Variants in CNTN4 observed in about 807,000 individuals in gnomAD.
CNTN4 encodes contactin-4.
A neutral mutation model predicts 122.5 loss-of-function variants in CNTN4; 77 were observed. The ratio of observed to expected loss-of-function variants is 0.63; its 90% CI spans 0.52 to 0.76. The LOEUF (loss-of-function observed/expected upper bound fraction) is 0.76, where lower values mean the gene tolerates loss of function less well. CNTN4 is among the 30% of genes least tolerant of loss of function. The pLI, the probability that CNTN4 is intolerant of heterozygous loss-of-function variation, is 0.00. For synonymous variants in CNTN4, 512 were observed against 447.0 expected, an observed-to-expected ratio of 1.15 and a Z score of -1.83; for missense variants, 1,256 against 1,259.1, an observed-to-expected ratio of 1.00 and a Z score of 0.04.
intron 2 of CNTN4, among the ~76,000 whole-genome samples, chr3:2,242,553 A>T (rs916233908): frequency 1.2e-4 from 19 of 152,146 alleles, no homozygotes; most frequent in Non-Finnish European, 2.8e-4. Flanking sequence ...AGTTCATAGC[A>T]GATTACAGGG....
rs562831555 is a variant in CNTN4 at position 2,321,481 on chromosome 3, T to G, written c.-144-17697T>G. 2.0e-5 allele frequency among the ~76,000 whole-genome samples: 3 copies of G among 152,282 alleles called. No homozygotes were observed. In the South Asian group the frequency reaches 6.2e-4, roughly 32 times the overall value. On this transcript the variant is annotated intron_variant, in intron 2 of 24. Coordinates refer to ENST00000418658, the MANE Select transcript of CNTN4 (RefSeq NM_175607.3). ...AAAATTGTGGAATTCTGTAGCTGTT[T>G]AAATGAGAAGAGATTTTTATTAAGA...
At chr3:2,312,947 G>A (rs924753933) in intron 2 of CNTN4, among the ~76,000 whole-genome samples, 14 of 151,980 alleles carry the variant, frequency 9.2e-5, no homozygotes, top group African/African-American at 3.4e-4. Context: ...AAAACACTGT[G>A]TGAAAATCTG....
chr3:2,214,323 C>T lies in CNTN4; in HGVS notation c.-145+113684C>T, dbSNP rs529699438. ...TCGGAGCAGTGGGGGGTTTGTCTCTCAATTTAGACACCTGATGAGTAGATT... is the reference window on the plus strand; with the variant it reads ...TCGGAGCAGTGGGGGGTTTGTCTCTTAATTTAGACACCTGATGAGTAGATT... On this transcript the variant is annotated intron_variant, in intron 2 of 24. Coordinates refer to ENST00000418658, the MANE Select transcript of CNTN4 (RefSeq NM_175607.3). 7.9e-5 allele frequency among the ~76,000 whole-genome samples: 12 copies of T among 152,216 alleles called. No homozygotes were observed. In the South Asian group the frequency reaches 8.3e-4, roughly 11 times the overall value.
At chr3:2,364,733 T>G (rs4082669) in intron 3 of CNTN4, among the ~76,000 whole-genome samples, 33,674 of 152,094 alleles carry the variant, frequency 0.22, 4,402 homozygotes, top group South Asian at 0.32. Flanking sequence ...TGAATCTAGT[T>G]TCCTGGTAAT....
chr3:2,967,862 T>A (rs1692488757), intron 13 of CNTN4, among the ~76,000 whole-genome samples: 1 of 151,912 alleles, frequency 6.6e-6, no homozygotes, highest in African/African-American at 2.4e-5. Context: ...TTTTTTTTTT[T>A]TTTAATGACA....
chr3:3,021,192 A>G (rs923021742), intron 14 of CNTN4, among the ~76,000 whole-genome samples: 4 of 152,204 alleles, frequency 2.6e-5, no homozygotes, highest in African/African-American at 7.2e-5. Context: ...TGAAATCACT[A>G]TGAATTTTGA....
At chr3:2,484,714 T>C (rs2076095926) in intron 3 of CNTN4, among the ~76,000 whole-genome samples, 1 of 152,226 alleles carries the variant, frequency 6.6e-6, no homozygotes, top group Non-Finnish European at 1.5e-5. Context: ...TGTATTTTTC[T>C]GTGTATCCTG....
intron 10 of CNTN4, among the ~76,000 whole-genome samples, chr3:2,898,343 G>A (rs1227466101): frequency 1.3e-5 from 2 of 152,108 alleles, no homozygotes; most frequent in Non-Finnish European, 2.9e-5. Context: ...AAAGTGCCAG[G>A]TGATCTCCCA....
At chr3:2,219,125 G>T (rs1432222214) in intron 2 of CNTN4, among the ~76,000 whole-genome samples, 2 of 152,190 alleles carry the variant, frequency 1.3e-5, no homozygotes, top group African/African-American at 4.8e-5. Flanking sequence ...CATAGAAATG[G>T]TGAGTTGGCT....
chr3:2,567,049 C>G (rs570126691), intron 3 of CNTN4, among the ~76,000 whole-genome samples: 2 of 152,048 alleles, frequency 1.3e-5, no homozygotes, highest in East Asian at 3.9e-4. Context: ...GTCATTCTCA[C>G]CCTCCTCGTA....
intron 6 of CNTN4, among the ~76,000 whole-genome samples, chr3:2,812,712 T>G (rs1418106403): frequency 6.6e-6 from 1 of 152,216 alleles, no homozygotes; most frequent in Non-Finnish European, 1.5e-5. Context: ...CTAACATTTA[T>G]AGACTACTGA....
At chr3:2,578,164 A>G (rs2079779790) in intron 4 of CNTN4, among the ~76,000 whole-genome samples, 3 of 152,176 alleles carry the variant, frequency 2.0e-5, no homozygotes, top group Admixed American at 2.0e-4. Context: ...ACAAACCTGC[A>G]ATGAGAACAC....
At chr3:2,496,927 G>A in intron 3 of CNTN4, among the ~76,000 whole-genome samples, 1 of 152,108 alleles carries the variant, frequency 6.6e-6, no homozygotes, top group Non-Finnish European at 1.5e-5. Context: ...TGAGAATCTG[G>A]AGCTCTGATA....
In CNTN4 at chr3:2,716,779, C is replaced by T. The variant is rs572726224; in HGVS notation, c.56-19436C>T. Among the ~76,000 whole-genome samples the T allele has an allele frequency of 3.3e-5, 5 of 152,254 alleles. No individual in the cohort carries two copies. The South Asian group carries it at 8.3e-4, about 25-fold the overall frequency. On this transcript the variant is annotated intron_variant, in intron 4 of 24. Coordinates refer to ENST00000418658, the MANE Select transcript of CNTN4 (RefSeq NM_175607.3). ...CCCCTTACCACCTAGTAGCCCTTTC[C>T]AACACCTTCTTTCCCTCATATACTG...
intron 3 of CNTN4, among the ~76,000 whole-genome samples, chr3:2,442,422 C>A (rs1193263279): frequency 6.6e-6 from 1 of 152,026 alleles, no homozygotes; most frequent in Non-Finnish European, 1.5e-5. Context: ...CAGATCTTGG[C>A]AAATGAGAAA....
intron 2 of CNTN4, among the ~76,000 whole-genome samples, chr3:2,193,747 A>T (rs1271070969): frequency 1.3e-5 from 2 of 152,176 alleles, no homozygotes; most frequent in Admixed American, 6.6e-5. Flanking sequence ...GCCCCATAAG[A>T]TTATAATACT....
rs140516383 is a variant in CNTN4 at position 2,385,537 on chromosome 3, C to A, written c.-89+46304C>A. On this transcript the variant is annotated intron_variant, in intron 3 of 24. Coordinates refer to ENST00000418658, the MANE Select transcript of CNTN4 (RefSeq NM_175607.3). The surrounding 1 kb of genome is among the most constrained non-coding windows in gnomAD (Gnocchi z 4.0). ...GTTTATTCTCTCACACTTCTAGAGG[C>A]CAGAAGTCCAAAATCAGGTGTTGGT... is the stretch of plus-strand genomic sequence containing the variant. Among the ~76,000 whole-genome samples the A allele has an allele frequency of 6.6e-6, 1 of 152,044 alleles. No individual in the cohort carries two copies. Among genetic ancestry groups the A allele is most frequent in the African/African-American group, 2.4e-5 (1 of 41,436 alleles).
intron 6 of CNTN4, among the ~76,000 whole-genome samples, chr3:2,793,937 A>G (rs1576816198): frequency 6.6e-6 from 1 of 152,114 alleles, no homozygotes; most frequent in South Asian, 2.1e-4. Flanking sequence ...ATGACCAACT[A>G]CTGCCTGCCA....
intron 12 of CNTN4, among the ~76,000 whole-genome samples, chr3:2,919,393 T>C (rs1183643381): frequency 2.6e-5 from 4 of 151,434 alleles, no homozygotes; most frequent in African/African-American, 9.7e-5. Flanking sequence ...TCGTTGCTTT[T>C]TAAAAATTGA....
Sources: allele counts gnomAD v4.1 joint callset (sites outside exome capture counted in the v4.1 genomes callset), GRCh38; gene constraint gnomAD v4.1.1; non-coding constraint Gnocchi (gnomAD v3.1); transcripts MANE v1.5; gene names NCBI Gene and HGNC (gene_info 2026-07-23, HGNC 2026-07-21).